The following CDK14 variants were observed in gnomAD, a reference collection of about 807,000 sequenced individuals.
CDK14 encodes cyclin dependent kinase 14, also known as cyclin-dependent kinase 14.
A neutral mutation model predicts 60.7 loss-of-function variants in CDK14; 34 were observed. That is an observed-to-expected ratio of 0.56 (90% CI 0.43 to 0.75). The LOEUF (loss-of-function observed/expected upper bound fraction) is 0.75. Ranked by LOEUF, CDK14 falls within the 30% of genes least tolerant of loss-of-function variation. The pLI is 0.00. For synonymous variants in CDK14, 197 were observed against 203.7 expected, an observed-to-expected ratio of 0.97 and a Z score of 0.28; for missense variants, 482 against 564.1, an observed-to-expected ratio of 0.85 and a Z score of 1.47.
chr7:91,201,267 T>A (rs1347828135), intron 14 of CDK14, among the ~76,000 whole-genome samples: 1 of 152,128 alleles, frequency 6.6e-6, no homozygotes, highest in East Asian at 1.9e-4. Flanking sequence ...TTTCTTTCTG[T>A]CAAATGTTAG....
At chr7:90,689,391 A>C (rs1469318226) in intron 2 of CDK14, among the ~76,000 whole-genome samples, 1 of 152,152 alleles carries the variant, frequency 6.6e-6, no homozygotes, top group Non-Finnish European at 1.5e-5. Context: ...CTGAAGGGCT[A>C]TTCAGGGAGG....
chr7:91,050,796 A>G (rs144016790), intron 11 of CDK14, among the ~76,000 whole-genome samples: 13 of 152,294 alleles, frequency 8.5e-5, no homozygotes, highest in East Asian at 1.9e-4. Context: ...GAAGCTTCCA[A>G]TCAGGAGAAG....
intron 8 of CDK14, among the ~76,000 whole-genome samples, chr7:90,952,958 A>G (rs1486903340): frequency 1.3e-5 from 2 of 152,142 alleles, no homozygotes; most frequent in Non-Finnish European, 2.9e-5. Flanking sequence ...AAATGTAGTT[A>G]TATATATTTA....
At chr7:90,708,802 A>G (rs1295774359) in intron 2 of CDK14, among the ~76,000 whole-genome samples, 1 of 152,146 alleles carries the variant, frequency 6.6e-6, no homozygotes, top group African/African-American at 2.4e-5. Context: ...GTTAGATTTC[A>G]TGCCTTTTTT....
chr7:91,035,910 C>T (rs1309222009), intron 10 of CDK14, among the ~76,000 whole-genome samples: 1 of 134,146 alleles, frequency 7.5e-6, no homozygotes, highest in Non-Finnish European at 1.5e-5. Context: ...GTGGCGCAAT[C>T]TCGGCTCACT....
At chr7:91,046,258 A>G (rs2116027367) in intron 11 of CDK14, among the ~76,000 whole-genome samples, 1 of 152,310 alleles carries the variant, frequency 6.6e-6, no homozygotes, top group Admixed American at 6.5e-5. Context: ...TATAAAAACA[A>G]AATTTAAATT....
intron 4 of CDK14, among the ~76,000 whole-genome samples, chr7:90,782,244 T>G (rs1309816038): frequency 6.6e-6 from 1 of 152,176 alleles, no homozygotes; most frequent in Non-Finnish European, 1.5e-5. Flanking sequence ...ATAAGAATGC[T>G]TGTGATTTTT....
chr7:90,847,906 C>T (rs143842247), intron 5 of CDK14, among the ~76,000 whole-genome samples: 1 of 152,160 alleles, frequency 6.6e-6, no homozygotes, highest in Non-Finnish European at 1.5e-5. Flanking sequence ...GTTTACTAGT[C>T]TTCCTTCCCA....
At chr7:91,126,686 G>A (rs1198046027) in intron 14 of CDK14, among the ~76,000 whole-genome samples, 1 of 152,178 alleles carries the variant, frequency 6.6e-6, no homozygotes, top group Non-Finnish European at 1.5e-5. Context: ...AAAGAAATCA[G>A]TAATTACAGA....
Position 91,208,281 on chromosome 7 carries a change from A to T in CDK14, c.*1145A>T, listed in dbSNP as rs1214671345. The T allele has an allele frequency of 6.6e-6, 1 of 152,662 alleles. No individual in the cohort carries two copies. The highest frequency in any genetic ancestry group is 2.4e-5 in the African/African-American group (1 of 41,456). 9.5% of individuals were successfully genotyped at this position (152,662 alleles called of 1,614,324 possible). ...AGGAATCTTGCTTTAAAGATGAAAA[A>T]GGGAATGGGCCAGCTTCCCTTACTC... On this transcript the variant is annotated 3_prime_UTR_variant, in exon 15 of 15. Coordinates refer to ENST00000380050, the MANE Select transcript of CDK14 (RefSeq NM_001287135.2).
At chr7:90,676,561 C>T (rs1007780998) in intron 2 of CDK14, among the ~76,000 whole-genome samples, 1 of 147,762 alleles carries the variant, frequency 6.8e-6, no homozygotes, top group African/African-American at 2.5e-5. Flanking sequence ...GAGCCAGGGT[C>T]TCACTCTGTC....
intron 11 of CDK14, among the ~76,000 whole-genome samples, chr7:91,068,401 A>G (rs764747983): frequency 2.1e-4 from 32 of 152,170 alleles, no homozygotes; most frequent in Non-Finnish European, 3.7e-4. Flanking sequence ...TATTTTGTCA[A>G]TTACCCCTGT....
intron 2 of CDK14, among the ~76,000 whole-genome samples, chr7:90,627,479 C>G (rs765831340): frequency 4.6e-5 from 7 of 152,148 alleles, no homozygotes; most frequent in Non-Finnish European, 7.3e-5. Context: ...TCCCAAACTG[C>G]TGGGATTACA....
chr7:90,996,910 C>T (rs1795701898), intron 10 of CDK14, among the ~76,000 whole-genome samples: 1 of 152,064 alleles, frequency 6.6e-6, no homozygotes, highest in African/African-American at 2.4e-5. Context: ...CATATTTTAC[C>T]TTTCATGTTG....
At chr7:90,825,047 A>T (rs1369393092) in intron 5 of CDK14, among the ~76,000 whole-genome samples, 1 of 152,226 alleles carries the variant, frequency 6.6e-6, no homozygotes, top group Non-Finnish European at 1.5e-5. Flanking sequence ...TGTACAGCCT[A>T]CACTGTTGAA....
At chr7:90,765,960 C>A (rs1219066123) in intron 4 of CDK14, among the ~76,000 whole-genome samples, 1 of 152,142 alleles carries the variant, frequency 6.6e-6, no homozygotes. Flanking sequence ...TGTAATTGGT[C>A]TTCCTGTTTC....
rs542961724 is a variant in CDK14 at position 90,903,599 on chromosome 7, C to T, written c.702+4246C>T. Among the ~76,000 whole-genome samples, 11 of 152,126 alleles carry T rather than the reference C, an allele frequency of 7.2e-5. No individual in the cohort carries two copies. The South Asian group carries it at 1.7e-3, about 23-fold the overall frequency. On this transcript the variant is annotated intron_variant, in intron 7 of 14. Coordinates refer to ENST00000380050, the MANE Select transcript of CDK14 (RefSeq NM_001287135.2). ...TGGGGGATGAAGAGAGGTTGATTAA[C>T]GAGTACAGACATACTGTTTGATAGA... is the stretch of plus-strand genomic sequence containing the variant.
intron 5 of CDK14, among the ~76,000 whole-genome samples, chr7:90,850,942 T>G (rs1361326579): frequency 6.6e-6 from 1 of 152,148 alleles, no homozygotes; most frequent in African/African-American, 2.4e-5. Flanking sequence ...TTCACAACAA[T>G]CAGGATATAT....
intron 8 of CDK14, among the ~76,000 whole-genome samples, chr7:90,924,219 A>C (rs1420295533): frequency 6.6e-6 from 1 of 152,240 alleles, no homozygotes; most frequent in Non-Finnish European, 1.5e-5. Flanking sequence ...ATCACATGGC[A>C]AGGGGGTTGA....
Sources: gnomAD v4.1 joint callset for allele counts (sites outside exome capture counted in the v4.1 genomes callset) on GRCh38, gnomAD v4.1.1 for gene constraint, MANE v1.5 for transcripts, NCBI Gene and HGNC (gene_info 2026-07-23, HGNC 2026-07-21) for gene names.